The following CRTAC1 variants were observed in gnomAD, a reference collection of about 807,000 sequenced individuals.
CRTAC1 encodes the protein acidic secreted protein in cartilage.
Under a neutral mutation model 67.8 loss-of-function variants are expected in CRTAC1, and 37 were observed. The ratio of observed to expected loss-of-function variants is 0.55; its 90% CI spans 0.42 to 0.72. CRTAC1 has a LOEUF of 0.72. CRTAC1 is among the 30% of genes least tolerant of loss of function. The pLI is 0.00. For missense variants in CRTAC1, 780 were observed against 931.6 expected, an observed-to-expected ratio of 0.84 and a Z score of 2.12; for synonymous variants, 348 against 371.0, an observed-to-expected ratio of 0.94 and a Z score of 0.71.
In CRTAC1 at chr10:97,936,243, C is replaced by G. The variant is rs748081017; in HGVS notation, c.348G>C (p.Gly116=). Residue 116 remains glycine, a synonymous_variant, in exon 3 of 15, where the codon GGG becomes GGC. Transcript: ENST00000370597. ...ALRDRQGNAI[G]VTACDIDGDG... is the part of the protein sequence containing the mutation. ...CCCCGTCGATGTCGCAGGCTGTGAC[C>G]CCGATGGCGTTCCCCTGCCGGTCCC... The G allele has an allele frequency of 6.2e-7, 1 of 1,614,162 alleles. No homozygotes were observed. The highest frequency in any genetic ancestry group is 8.5e-7 in the Non-Finnish European group (1 of 1,179,994).
At chr10:97,871,195 C>T (rs2050089475) in intron 14 of CRTAC1, 1 of 152,216 alleles carries the variant, frequency 6.6e-6, no homozygotes, top group African/African-American at 2.4e-5. Flanking sequence ...TTCAAAGGGC[C>T]TGTCATTTCA....
chr10:97,880,983 T>C (rs1271915185), intron 13 of CRTAC1, among the ~76,000 whole-genome samples: 4 of 152,108 alleles, frequency 2.6e-5, no homozygotes, highest in Non-Finnish European at 5.9e-5. Flanking sequence ...AGTCCACCTC[T>C]CTCTGTCACC....
intron 2 of CRTAC1, among the ~76,000 whole-genome samples, chr10:97,937,415 C>A (rs1343745943): frequency 6.6e-6 from 1 of 152,190 alleles, no homozygotes; most frequent in African/African-American, 2.4e-5. Flanking sequence ...CTCACTAATG[C>A]TCTCTTCCCA....
intron 8 of CRTAC1, among the ~76,000 whole-genome samples, chr10:97,899,678 G>A (rs1303337778): frequency 1.3e-5 from 2 of 152,222 alleles, no homozygotes; most frequent in Non-Finnish European, 2.9e-5. Flanking sequence ...AGTCAGGATT[G>A]ATGCTTTGTT....
intron 11 of CRTAC1, among the ~76,000 whole-genome samples, chr10:97,886,836 G>C (rs1283536070): frequency 6.6e-6 from 1 of 151,860 alleles, no homozygotes; most frequent in Non-Finnish European, 1.5e-5. Flanking sequence ...GTAGAGACAG[G>C]GTTTCGCCAT....
At chr10:97,878,669 G>C in intron 14 of CRTAC1, 1 of 1,303,826 alleles carries the variant, frequency 7.7e-7, no homozygotes, top group Non-Finnish European at 1.0e-6. Context: ...AGATTGCAGA[G>C]ACCAAGTAGC....
chr10:97,921,327 A>T (rs1478200523), intron 4 of CRTAC1, among the ~76,000 whole-genome samples: 1 of 152,174 alleles, frequency 6.6e-6, no homozygotes, highest in East Asian at 1.9e-4. Context: ...GAGTGCTATA[A>T]TAAAGTTAGA....
chr10:98,005,295 G>A (rs1159320576), intron 2 of CRTAC1, among the ~76,000 whole-genome samples: 3 of 150,236 alleles, frequency 2.0e-5, no homozygotes, highest in Non-Finnish European at 3.0e-5. Flanking sequence ...AGTAGAGAAG[G>A]GGTTTTATCA....
In CRTAC1 at chr10:97,971,415, A is replaced by G. The variant is rs75005898; in HGVS notation, c.225-35049T>C. Among the ~76,000 whole-genome samples the G allele has an allele frequency of 9.6e-3, 1,467 of 152,332 alleles. 30 individuals carry two copies. Among genetic ancestry groups the G allele is most frequent in the African/African-American group, 0.033 (1,391 of 41,562 alleles). ...ATAAGTCAGCCGCAGAAAGGCAAACATTGTATGATTCCACTTATAAGAAGT... is the reference window on the plus strand; with the variant it reads ...ATAAGTCAGCCGCAGAAAGGCAAACGTTGTATGATTCCACTTATAAGAAGT... On this transcript the variant is annotated intron_variant, in intron 2 of 14. Coordinates refer to ENST00000370597, the MANE Select transcript of CRTAC1 (RefSeq NM_018058.7).
Position 97,884,277 on chromosome 10 carries a change from C to G in CRTAC1, c.1561G>C (p.Glu521Gln). The change falls in exon 12 of 15, where the codon GAG becomes CAG. Residue 521 changes from glutamate to glutamine, a missense_variant. Physicochemically the swap from Glu to Gln is conservative, Grantham distance 29. Transcript: ENST00000370597. ...KMVSRNVASG[E>Q]MNSVLEILYP... Reference sequence around the variant, plus strand: ...AGGATCTCCAGCACTGAGTTCATCTCCCCGCTGGCCACGTTCCGGCTCACC... The same window carrying G: ...AGGATCTCCAGCACTGAGTTCATCTGCCCGCTGGCCACGTTCCGGCTCACC... 5.1e-6 allele frequency: 8 copies of G among 1,558,922 alleles called. No individual in the cohort carries two copies. Among genetic ancestry groups the G allele is most frequent in the Non-Finnish European group, 7.0e-6 (8 of 1,150,702 alleles).
chr10:97,996,478 A>G (rs1842572800), intron 2 of CRTAC1, among the ~76,000 whole-genome samples: 1 of 152,152 alleles, frequency 6.6e-6, no homozygotes, highest in Non-Finnish European at 1.5e-5. Flanking sequence ...AAAACACATG[A>G]AAAAATGCTC....
chr10:97,994,424 A>G (rs1416878474), intron 2 of CRTAC1, among the ~76,000 whole-genome samples: 8 of 152,192 alleles, frequency 5.3e-5, no homozygotes, highest in East Asian at 1.9e-4. Flanking sequence ...TTTATAAGCC[A>G]TAAGTTTTGG....
Position 97,865,393 on chromosome 10 carries a change from A to T in CRTAC1, c.*155T>A. On this transcript the variant is annotated 3_prime_UTR_variant, in exon 15 of 15. Coordinates refer to ENST00000370597, the MANE Select transcript of CRTAC1 (RefSeq NM_018058.7). ...GCCCAGCACAGGGCCTGGCCTTACGAGTCTCCCTAATTGTTAGCTAAGTAA... is the reference window on the plus strand; with the variant it reads ...GCCCAGCACAGGGCCTGGCCTTACGTGTCTCCCTAATTGTTAGCTAAGTAA... 1.1e-6 allele frequency: 1 copy of T among 889,008 alleles called. No individual in the cohort carries two copies. The highest frequency in any genetic ancestry group is 1.6e-6 in the Non-Finnish European group (1 of 609,652). 55.1% of individuals were successfully genotyped at this position (889,008 alleles called of 1,614,324 possible).
intron 2 of CRTAC1, among the ~76,000 whole-genome samples, chr10:97,992,208 T>C (rs892852788): frequency 6.6e-6 from 1 of 152,164 alleles, no homozygotes; most frequent in African/African-American, 2.4e-5. Flanking sequence ...TAAAAGATCC[T>C]GGTGGAACTA....
intron 4 of CRTAC1, among the ~76,000 whole-genome samples, chr10:97,921,586 T>G (rs55900025): frequency 0.77 from 117,158 of 151,632 alleles, 45,482 homozygotes; most frequent in East Asian, 0.92. Context: ...AGCATAAGGC[T>G]CGGCATGTCC....
intron 2 of CRTAC1, among the ~76,000 whole-genome samples, chr10:97,950,238 CACACACACAG>C (rs765141639): frequency 0.05 from 3,500 of 69,690 alleles, 75 homozygotes; most frequent in East Asian, 0.096. Flanking sequence ...TACGTGCACA[CACACACACAG>C]AGAGAGAGAG....
At chr10:97,920,746 T>C (rs1334470230) in intron 4 of CRTAC1, among the ~76,000 whole-genome samples, 1 of 152,210 alleles carries the variant, frequency 6.6e-6, no homozygotes, top group East Asian at 1.9e-4. Flanking sequence ...TCCTCAGATG[T>C]TAAATGGAGA....
At chr10:98,008,711 CT>C (rs1196466023) in intron 2 of CRTAC1, among the ~76,000 whole-genome samples, 1 of 152,094 alleles carries the variant, frequency 6.6e-6, no homozygotes. Flanking sequence ...TCAGGTCTTA[CT>C]TTTTTCCACA....
At chr10:97,936,927 C>T (rs2051098736) in intron 2 of CRTAC1, among the ~76,000 whole-genome samples, 1 of 152,056 alleles carries the variant, frequency 6.6e-6, no homozygotes, top group Admixed American at 6.5e-5. Context: ...TTCTACTATC[C>T]CGAGTCCTGA....
Sources: allele counts gnomAD v4.1 joint callset (sites outside exome capture counted in the v4.1 genomes callset), GRCh38; gene constraint gnomAD v4.1.1; transcripts MANE v1.5; gene names NCBI Gene and HGNC (gene_info 2026-07-23, HGNC 2026-07-21).